SYNE1: variants seen among roughly 807,000 people sequenced by gnomAD.
SYNE1 encodes nesprin-1.
In SYNE1, 616 loss-of-function variants were observed where a neutral mutation model predicts 1,111.0. The observed-to-expected ratio is 0.55, with a 90% CI of 0.52 to 0.59. The LOEUF is 0.59. Among genes scored for constraint, SYNE1 ranks in the 20% least tolerant of loss-of-function variants. The pLI is 0.00. For synonymous variants in SYNE1, 3,855 were observed against 3,825.8 expected (o/e 1.01, Z -0.28); for missense variants, 10,006 against 10,417.0 (o/e 0.96, Z 1.72).
intron 14 of SYNE1, chr6:152,480,731 C>A (rs2098887892): frequency 2.2e-6 from 1 of 455,992 alleles, no homozygotes; most frequent in Non-Finnish European, 4.4e-6. Flanking sequence ...TGGCCTGAGC[C>A]CCTGTCGCTG....
At chr6:152,586,655 T>TAC (rs10530898) in intron 3 of SYNE1, among the ~76,000 whole-genome samples, 10,827 of 149,386 alleles carry the variant, frequency 0.072, 462 homozygotes, top group East Asian at 0.19. Context: ...CATACTCTCA[T>TAC]ACACACACAC....
intron 52 of SYNE1, 132 bp from the exon 53 acceptor site, chr6:152,390,584 G>T: frequency 1.1e-6 from 1 of 885,586 alleles, no homozygotes; most frequent in East Asian, 2.6e-5. Flanking sequence ...ACAAACTCTG[G>T]GCCCTATTGC....
chr6:152,417,117 G>A (rs989964632), intron 40 of SYNE1, 102 bp from the exon 41 acceptor site: 2 of 1,519,728 alleles, frequency 1.3e-6, no homozygotes, highest in Non-Finnish European at 1.8e-6. Flanking sequence ...TAGGTGCCAT[G>A]GATAGTATAG....
chr6:152,278,846 C>T (rs764558938), intron 97 of SYNE1, among the ~76,000 whole-genome samples: 14 of 152,082 alleles, frequency 9.2e-5, no homozygotes, highest in Non-Finnish European at 1.6e-4. Flanking sequence ...TGGCTCACTG[C>T]GGCCTCCATC....
Position 152,239,714 on chromosome 6 carries a change from T to G in SYNE1, c.19894-8A>C, listed in dbSNP as rs1562425632. On this transcript the variant is annotated splice_polypyrimidine_tract_variant and splice_region_variant and intron_variant, in intron 107 of 145. Transcript: ENST00000367255. ...CAGGCCCTGAAAGTATTCCTGCAAT[T>G]TTTCAGGAAGAAAGAAGTCAGCAAC... The G allele has an allele frequency of 6.2e-7, 1 of 1,614,096 alleles. No individual in the cohort carries two copies.
Position 152,484,038 on chromosome 6 carries a change from C to CAA in SYNE1, c.1186-791_1186-790dup, listed in dbSNP as rs773019397. ...GCAATATAGTGAGATCTCATCTCTACAAAAAAAAAAAAAAAAAAAAAAAAT... is the reference window on the plus strand; with the variant it reads ...GCAATATAGTGAGATCTCATCTCTACAAAAAAAAAAAAAAAAAAAAAAAAAAT... On this transcript the variant is annotated intron_variant, in intron 13 of 145. Coordinates refer to ENST00000367255, the MANE Select transcript of SYNE1 (RefSeq NM_182961.4). 6.0e-3 allele frequency among the ~76,000 whole-genome samples: 322 copies of CAA among 53,426 alleles called. 7 individuals carry two copies. The highest frequency in any genetic ancestry group is 0.013 in the African/African-American group (231 of 17,234). The allele number at this position is 53,426 out of a possible 152,430, so 35.0% of individuals were successfully genotyped here.
Position 152,369,459 on chromosome 6 carries a change from C to G in SYNE1, c.9651+12G>C. 6.2e-7 allele frequency: 1 copy of G among 1,614,086 alleles called. No individual in the cohort carries two copies. The highest frequency in any genetic ancestry group is 8.5e-7 in the Non-Finnish European group (1 of 1,180,010). ...TAGGTCAGATGGGGCTACGGGGAGG[C>G]GGGCTCATCACCTGGAGCTTCTGCT... On this transcript the variant is annotated intron_variant, in intron 60 of 145. Coordinates refer to ENST00000367255, the MANE Select transcript of SYNE1 (RefSeq NM_182961.4).
intron 130 of SYNE1, 148 bp from the exon 131 acceptor site, chr6:152,164,473 A>G: frequency 1.1e-6 from 1 of 937,418 alleles, no homozygotes; most frequent in Non-Finnish European, 1.6e-6. Context: ...AAGACAAAGG[A>G]GGATAGAAAT....
chr6:152,535,177 G>T (rs1178482354), intron 4 of SYNE1, among the ~76,000 whole-genome samples: 1 of 152,224 alleles, frequency 6.6e-6, no homozygotes, highest in Non-Finnish European at 1.5e-5. Flanking sequence ...CAGAGGCAGA[G>T]ACTGAAATAA....
chr6:152,451,468 ATTTTTTTTTTTTTTT>A (rs145882121), intron 25 of SYNE1, among the ~76,000 whole-genome samples: 2 of 49,826 alleles, frequency 4.0e-5, no homozygotes, highest in African/African-American at 1.7e-4. Context: ...CCTGCACCGT[ATTTTTTTTTTTTTTT>A]TTTTTTTTTT....
intron 95 of SYNE1, among the ~76,000 whole-genome samples, chr6:152,289,665 C>T (rs1026307275): frequency 6.6e-5 from 10 of 152,094 alleles, no homozygotes; most frequent in Admixed American, 2.0e-4. Flanking sequence ...CTCGCTCTGT[C>T]GCTCAGGCTG....
At chr6:152,193,937 C>T (rs1443940093) in intron 127 of SYNE1, among the ~76,000 whole-genome samples, 1 of 151,016 alleles carries the variant, frequency 6.6e-6, no homozygotes, top group Admixed American at 6.6e-5. Flanking sequence ...GGCATGAACC[C>T]AGGAGGCAGA....
chr6:152,289,557 A>G (rs1311144198), intron 95 of SYNE1, among the ~76,000 whole-genome samples: 1 of 152,010 alleles, frequency 6.6e-6, no homozygotes, highest in African/African-American at 2.4e-5. Flanking sequence ...TGCCCAGCTA[A>G]TTTTTGTAGT....
Position 152,464,064 on chromosome 6 carries a change from G to A in SYNE1, c.1933-547C>T, listed in dbSNP as rs543375439. On this transcript the variant is annotated intron_variant, in intron 18 of 145. Coordinates refer to ENST00000367255, the MANE Select transcript of SYNE1 (RefSeq NM_182961.4). ...CTACTTTTGATTTTTAAATTTCAGT[G>A]TAGTACATTAAGATAATTAGCAATC... Among the ~76,000 whole-genome samples, 23 of 152,204 alleles carry A rather than the reference G, an allele frequency of 1.5e-4. No individual in the cohort carries two copies. In the South Asian group the frequency reaches 4.6e-3, roughly 30 times the overall value.
Position 152,309,955 on chromosome 6 carries a change from A to C in SYNE1, c.17082T>G (p.Ser5694Arg). Residue 5694 changes from serine (S) to arginine (R), a missense_variant, in exon 90 of 146, where the codon AGT becomes AGG. Ser to Arg is a moderately radical substitution (Grantham distance 110). This residue lies in a region of SYNE1 where 4,955 missense variants were observed against 5,017.2 expected (regional missense o/e 0.99). Coordinates refer to ENST00000367255, the MANE Select transcript of SYNE1 (RefSeq NM_182961.4). ...PKVQAVQLCQSALRIPEDVVA... is the reference protein window; with the variant it reads ...PKVQAVQLCQRALRIPEDVVA... The stretch of plus-strand genomic sequence containing the variant: ...CCACATCCTCGGGGATCCGGAGGGC[A>C]CTCTGGCAGAGCTGCACTGCTTGCA... 1 of 1,614,098 alleles carries C rather than the reference A, an allele frequency of 6.2e-7. No homozygotes were observed. The highest frequency in any genetic ancestry group is 1.1e-5 in the South Asian group (1 of 91,084).
At chr6:152,435,803 G>T in intron 33 of SYNE1, 138 bp downstream of exon 33, 3 of 1,063,438 alleles carry the variant, frequency 2.8e-6, no homozygotes, top group Non-Finnish European at 4.1e-6. Flanking sequence ...CTTTTGAACT[G>T]TGAGTTGTTT....
At chr6:152,386,180 C>T (rs933637954) in intron 54 of SYNE1, among the ~76,000 whole-genome samples, 1 of 152,144 alleles carries the variant, frequency 6.6e-6, no homozygotes, top group South Asian at 2.1e-4. Context: ...TGGTGTACAG[C>T]AGTCTGTTCA....
At chr6:152,470,379 GA>G (rs2098799022) in intron 16 of SYNE1, among the ~76,000 whole-genome samples, 1 of 152,072 alleles carries the variant, frequency 6.6e-6, no homozygotes, top group South Asian at 2.1e-4. Flanking sequence ...GACTAAATCT[GA>G]AAATATACAT....
chr6:152,374,606 T>C (rs1180229152), intron 58 of SYNE1, among the ~76,000 whole-genome samples: 2 of 152,062 alleles, frequency 1.3e-5, no homozygotes, highest in East Asian at 1.9e-4. Flanking sequence ...AAACCCCTTC[T>C]CTACCAAAAA....
Sources: gnomAD v4.1 joint callset for allele counts (sites outside exome capture counted in the v4.1 genomes callset) on GRCh38, gnomAD v4.1.1 for gene constraint, gnomAD v4.1.1 regional missense constraint, MANE v1.5 for transcripts, NCBI Gene and HGNC (gene_info 2026-07-23, HGNC 2026-07-21) for gene names.